ATRNL1: variants seen among roughly 807,000 people sequenced by gnomAD.
ATRNL1 encodes attractin like 1.
A neutral mutation model predicts 182.7 loss-of-function variants in ATRNL1; 95 were observed. The ratio of observed to expected loss-of-function variants is 0.52; its 90% CI spans 0.44 to 0.62. The LOEUF is 0.62. ATRNL1 is among the 20% of genes least tolerant of loss of function. The pLI is 0.00. For missense variants in ATRNL1, 1,471 were observed against 1,679.5 expected (o/e 0.88, Z 2.17); for synonymous variants, 576 against 568.3 (o/e 1.01, Z -0.19).
intron 24 of ATRNL1, among the ~76,000 whole-genome samples, chr10:115,481,294 G>A (rs928190331): frequency 2.0e-5 from 3 of 150,164 alleles, no homozygotes; most frequent in Non-Finnish European, 4.5e-5. Context: ...AGTTATTTTT[G>A]TTTTAAAAAA....
chr10:115,588,176 G>T (rs1258740589), intron 26 of ATRNL1, among the ~76,000 whole-genome samples: 1 of 152,076 alleles, frequency 6.6e-6, no homozygotes, highest in Non-Finnish European at 1.5e-5. Context: ...CATCAGTTTG[G>T]CTCTCCGGAA....
At chr10:115,664,589 A>T (rs1377876007) in intron 26 of ATRNL1, among the ~76,000 whole-genome samples, 1 of 152,180 alleles carries the variant, frequency 6.6e-6, no homozygotes, top group Non-Finnish European at 1.5e-5. Flanking sequence ...TAAAATTCAG[A>T]TATAAAATAG....
intron 19 of ATRNL1, among the ~76,000 whole-genome samples, chr10:115,348,174 T>C (rs570740853): frequency 6.6e-6 from 1 of 152,248 alleles, no homozygotes; most frequent in Admixed American, 6.5e-5. Flanking sequence ...GGGTTTCACA[T>C]GTTGGCCAGG....
intron 27 of ATRNL1, among the ~76,000 whole-genome samples, chr10:115,756,744 C>T (rs539398849): frequency 1.3e-4 from 20 of 152,184 alleles, no homozygotes; most frequent in African/African-American, 4.8e-4. Flanking sequence ...GTTGATCTGT[C>T]TAATGTTGAC....
chr10:115,868,692 A>C (rs1404555112), intron 28 of ATRNL1, among the ~76,000 whole-genome samples: 2 of 152,132 alleles, frequency 1.3e-5, no homozygotes, highest in East Asian at 3.9e-4. Context: ...CAGGTCTCCT[A>C]ACTCCCAGGC....
intron 26 of ATRNL1, among the ~76,000 whole-genome samples, chr10:115,630,504 T>G (rs1858412851): frequency 6.6e-6 from 1 of 151,790 alleles, no homozygotes; most frequent in Admixed American, 6.6e-5. Context: ...ACAAATCTAC[T>G]TCTGGGTATA....
At chr10:115,320,832 G>C (rs1460835861) in intron 18 of ATRNL1, among the ~76,000 whole-genome samples, 1 of 151,872 alleles carries the variant, frequency 6.6e-6, no homozygotes, top group Admixed American at 6.6e-5. Flanking sequence ...TTAGCTCAGC[G>C]TAGTTTTTTA....
At chr10:115,430,376 TTTG>T (rs768121843) in intron 21 of ATRNL1, among the ~76,000 whole-genome samples, 25 of 152,116 alleles carry the variant, frequency 1.6e-4, no homozygotes, top group Admixed American at 5.9e-4. Flanking sequence ...TCATATACTG[TTTG>T]TTGTTGTTTT....
intron 5 of ATRNL1, among the ~76,000 whole-genome samples, chr10:115,135,751 G>A (rs1319196851): frequency 6.6e-6 from 1 of 152,164 alleles, no homozygotes; most frequent in Non-Finnish European, 1.5e-5. Context: ...AAAGAACAAA[G>A]CTGGAGGCAT....
chr10:115,557,636 TTGAC>T (rs1853389926), intron 26 of ATRNL1, among the ~76,000 whole-genome samples: 1 of 152,096 alleles, frequency 6.6e-6, no homozygotes, highest in East Asian at 1.9e-4. Flanking sequence ...ATGCAAAAGT[TTGAC>T]TGAAGTTTGA....
chr10:115,146,833 C>T (rs1232351760), intron 5 of ATRNL1, among the ~76,000 whole-genome samples: 1 of 149,812 alleles, frequency 6.7e-6, no homozygotes, highest in African/African-American at 2.4e-5. Context: ...ACTAGCGTTC[C>T]ATTATGTATA....
At chr10:115,234,859 G>T (rs1358181311) in intron 9 of ATRNL1, among the ~76,000 whole-genome samples, 2 of 152,066 alleles carry the variant, frequency 1.3e-5, no homozygotes, top group Admixed American at 6.6e-5. Flanking sequence ...AAAGTGCTGG[G>T]ATTACTGGTA....
intron 7 of ATRNL1, among the ~76,000 whole-genome samples, chr10:115,166,578 C>A (rs1387564666): frequency 2.6e-5 from 4 of 151,664 alleles, no homozygotes; most frequent in African/African-American, 9.7e-5. Context: ...TTGTTATTTT[C>A]TGTTTTTGTT....
chr10:115,286,321 G>A lies in ATRNL1; in HGVS notation c.2339G>A (p.Ser780Asn), dbSNP rs2133938325. 1.2e-6 allele frequency: 2 copies of A among 1,607,168 alleles called. No individual in the cohort carries two copies. The highest frequency in any genetic ancestry group is 1.7e-6 in the Non-Finnish European group (2 of 1,174,690). The stretch of plus-strand genomic sequence containing the variant: ...GCAAAACTTTATTGCTATAATCTTA[G>A]TGGAAATCTTGCTTCATTAACAACC... ...DNAKLYCYNL[S>N]GNLASLTTSK... The change falls in exon 15 of 29, where the codon AGT (serine) becomes AAT (asparagine). Residue 780 changes from serine to asparagine, a missense_variant. Physicochemically the swap from Ser to Asn is conservative, Grantham distance 46 (BLOSUM62 1). This residue lies in a region of ATRNL1 where 1,031 missense variants were observed against 1,156.0 expected (regional missense o/e 0.89). Transcript: ENST00000355044.
At chr10:115,570,978 G>T (rs564716867) in intron 26 of ATRNL1, among the ~76,000 whole-genome samples, 35 of 152,158 alleles carry the variant, frequency 2.3e-4, no homozygotes, top group Non-Finnish European at 4.6e-4. Context: ...GAGCTCAGCT[G>T]GGATAGCTTA....
At chr10:115,192,053 C>T (rs1848189126) in intron 8 of ATRNL1, among the ~76,000 whole-genome samples, 1 of 151,982 alleles carries the variant, frequency 6.6e-6, no homozygotes. Context: ...GTTGTCTCTT[C>T]ACTGTGTTGA....
At chr10:115,900,005 T>G (rs1186243285) in intron 28 of ATRNL1, among the ~76,000 whole-genome samples, 4 of 152,188 alleles carry the variant, frequency 2.6e-5, no homozygotes, top group African/African-American at 9.6e-5. Context: ...TTATCAGGAT[T>G]TCAGGAATTA....
At chr10:115,417,551 C>A (rs1297158057) in intron 20 of ATRNL1, among the ~76,000 whole-genome samples, 2 of 152,162 alleles carry the variant, frequency 1.3e-5, no homozygotes, top group Non-Finnish European at 2.9e-5. Context: ...GATGTGCAAC[C>A]ATCTGAGGAA....
chr10:115,168,432 C>G (rs1431636876), intron 7 of ATRNL1, among the ~76,000 whole-genome samples: 1 of 152,116 alleles, frequency 6.6e-6, no homozygotes, highest in Non-Finnish European at 1.5e-5. Context: ...TTCCCACCAG[C>G]CATGTATGAG....
Sources: allele counts gnomAD v4.1 joint callset (sites outside exome capture counted in the v4.1 genomes callset), GRCh38; gene constraint gnomAD v4.1.1; regional missense constraint gnomAD v4.1.1; transcripts MANE v1.5; gene names NCBI Gene and HGNC (gene_info 2026-07-23, HGNC 2026-07-21).